Variants in SPRED2 observed in about 807,000 individuals in gnomAD.
SPRED2 encodes the protein sprouty related EVH1 domain containing 2.
SPRED2 carries 47 observed loss-of-function variants against 43.0 expected under a neutral mutation model. The observed-to-expected ratio is 1.09, with a 90% CI of 0.87 to 1.40. The LOEUF (loss-of-function observed/expected upper bound fraction) is 1.40, where lower values mean the gene tolerates loss of function less well. Among genes scored for constraint, SPRED2 ranks in the 40% most tolerant of loss-of-function variants. The pLI, the probability that SPRED2 is intolerant of heterozygous loss-of-function variation, is 0.00. For synonymous variants in SPRED2, 225 were observed against 225.7 expected, an observed-to-expected ratio of 1.00 and a Z score of 0.03; for missense variants, 561 against 586.4, an observed-to-expected ratio of 0.96 and a Z score of 0.45.
chr2:65,431,903 C>A, intron 1 of SPRED2, 59 bp downstream of exon 1: 1 of 1,601,254 alleles, frequency 6.2e-7, no homozygotes, highest in Non-Finnish European at 8.5e-7. Context: ...GCATCCTCAG[C>A]CCCGGCCCCC....
chr2:65,330,344 G>A (rs568656955), intron 4 of SPRED2, among the ~76,000 whole-genome samples: 2 of 152,306 alleles, frequency 1.3e-5, no homozygotes, highest in East Asian at 3.9e-4. Context: ...AGACACTCCT[G>A]GGACAACTGG....
chr2:65,330,440 A>C (rs1311421220), intron 4 of SPRED2, among the ~76,000 whole-genome samples: 2 of 152,236 alleles, frequency 1.3e-5, no homozygotes, highest in African/African-American at 2.4e-5. Flanking sequence ...TTACACAGGA[A>C]AATGCCTTAT....
chr2:65,407,131 G>C (rs866562480), intron 1 of SPRED2, among the ~76,000 whole-genome samples: 4 of 151,732 alleles, frequency 2.6e-5, no homozygotes, highest in African/African-American at 9.7e-5. Context: ...GTTTCACCAT[G>C]TTAGCCAGGA....
At chr2:65,407,886 A>G (rs1003155687) in intron 1 of SPRED2, among the ~76,000 whole-genome samples, 3 of 152,232 alleles carry the variant, frequency 2.0e-5, no homozygotes, top group Admixed American at 2.0e-4. Flanking sequence ...TTCTCAGAAC[A>G]AACAACAACA....
At chr2:65,393,838 AACTGTC>A (rs1415610081) in intron 1 of SPRED2, among the ~76,000 whole-genome samples, 2 of 152,100 alleles carry the variant, frequency 1.3e-5, no homozygotes, top group Non-Finnish European at 2.9e-5. Context: ...TGTTATTGCC[AACTGTC>A]AGGCTACTCT....
rs1370895444 is a variant in SPRED2, at chr2:65,311,805, T to C, written c.*1696A>G. On this transcript the variant is annotated 3_prime_UTR_variant, in exon 6 of 6. Coordinates refer to ENST00000356388, the MANE Select transcript of SPRED2 (RefSeq NM_181784.3). ...CTACTAAAGAAAATCGATGAGCTTG[T>C]GGACGAGCTGGAAACAGCCCCATGA... 1.4e-4 allele frequency: 141 copies of C among 985,370 alleles called. No homozygotes were observed. The highest frequency in any genetic ancestry group is 1.7e-4 in the Non-Finnish European group (137 of 829,964). 61.0% of individuals were successfully genotyped at this position (985,370 alleles called of 1,614,324 possible). A position where few individuals can be genotyped will look rare whatever the true frequency, so the allele number is the denominator to read the frequency against.
chr2:65,372,277 G>A (rs894538192), intron 1 of SPRED2, among the ~76,000 whole-genome samples: 7 of 152,184 alleles, frequency 4.6e-5, no homozygotes, highest in African/African-American at 1.7e-4. Flanking sequence ...ATCAGGGCTG[G>A]ATTAGTCGGC....
chr2:65,406,549 T>C (rs1676027575), intron 1 of SPRED2, among the ~76,000 whole-genome samples: 1 of 152,242 alleles, frequency 6.6e-6, no homozygotes, highest in African/African-American at 2.4e-5. Flanking sequence ...TTGGTCATTA[T>C]ACTCTTCGTG....
chr2:65,362,134 GCTAA>G (rs1025644094), intron 1 of SPRED2, among the ~76,000 whole-genome samples: 1 of 152,206 alleles, frequency 6.6e-6, no homozygotes, highest in African/African-American at 2.4e-5. Flanking sequence ...AGATGATGCA[GCTAA>G]CTGTCTGAGC....
chr2:65,310,774 T>C (rs1419845038), downstream of SPRED2: 2 of 717,776 alleles, frequency 2.8e-6, no homozygotes, highest in Non-Finnish European at 3.4e-6. Flanking sequence ...TCCCATCCTG[T>C]ATGCGGGAAC....
At chr2:65,423,005 C>T (rs765882133) in intron 1 of SPRED2, among the ~76,000 whole-genome samples, 18 of 152,298 alleles carry the variant, frequency 1.2e-4, no homozygotes, top group Non-Finnish European at 2.1e-4. Context: ...GTCACACTTA[C>T]GCTGCTTTAA....
chr2:65,428,103 C>T (rs1260852735), intron 1 of SPRED2, among the ~76,000 whole-genome samples: 3 of 152,236 alleles, frequency 2.0e-5, no homozygotes, highest in African/African-American at 7.2e-5. Flanking sequence ...ACCTTCTTCA[C>T]AGGGTTATCT....
chr2:65,375,600 C>T lies in SPRED2; in HGVS notation c.27-30704G>A, dbSNP rs184579184. On this transcript the variant is annotated intron_variant, in intron 1 of 5. Transcript: ENST00000356388. Reference sequence around the variant, plus strand: ...CGAAACAGTAGGGGGAATGGACAGTCAATGTGGGCTCTACCTATTTTGTAG... The same window carrying T: ...CGAAACAGTAGGGGGAATGGACAGTTAATGTGGGCTCTACCTATTTTGTAG... Among the ~76,000 whole-genome samples the T allele has an allele frequency of 2.0e-5, 3 of 152,316 alleles. No homozygotes were observed. In the East Asian group the frequency reaches 5.8e-4, roughly 29 times the overall value.
intron 1 of SPRED2, among the ~76,000 whole-genome samples, chr2:65,402,590 G>A (rs948899212): frequency 1.3e-5 from 2 of 152,194 alleles, no homozygotes; most frequent in African/African-American, 4.8e-5. Context: ...GCCTGCAGAG[G>A]GAAAGGAGAA....
intron 1 of SPRED2, among the ~76,000 whole-genome samples, chr2:65,382,378 A>G (rs769772204): frequency 6.6e-6 from 1 of 152,206 alleles, no homozygotes; most frequent in African/African-American, 2.4e-5. Flanking sequence ...GCTGCTTATT[A>G]AATTATTAAC....
chr2:65,377,701 G>T (rs1281803382), intron 1 of SPRED2: 1 of 471,218 alleles, frequency 2.1e-6, no homozygotes, highest in Non-Finnish European at 4.4e-6. Context: ...CCAAGGAAAG[G>T]AAGGCTGTGT....
intron 4 of SPRED2, among the ~76,000 whole-genome samples, chr2:65,328,917 T>C (rs1673725909): frequency 6.6e-6 from 1 of 152,226 alleles, no homozygotes; most frequent in South Asian, 2.1e-4. Context: ...TCTGTGCCCT[T>C]TTACTTCTGC....
intron 1 of SPRED2, among the ~76,000 whole-genome samples, chr2:65,422,895 A>G (rs557831649): frequency 7.2e-5 from 11 of 152,330 alleles, no homozygotes; most frequent in African/African-American, 2.4e-4. Context: ...TCATTCTAGC[A>G]AGGCAGATTT....
At chr2:65,362,055 C>A (rs140949645) in intron 1 of SPRED2, among the ~76,000 whole-genome samples, 36 of 152,326 alleles carry the variant, frequency 2.4e-4, no homozygotes, top group African/African-American at 8.7e-4. Context: ...TGAATGAAGT[C>A]ATCTCTTCGA....
Sources: gnomAD v4.1 joint callset for allele counts (sites outside exome capture counted in the v4.1 genomes callset) on GRCh38, gnomAD v4.1.1 for gene constraint, MANE v1.5 for transcripts, NCBI Gene and HGNC (gene_info 2026-07-23, HGNC 2026-07-21) for gene names.